Variants in RRM2 observed in about 807,000 individuals in gnomAD.
The protein encoded by RRM2 is ribonucleoside-diphosphate reductase subunit M2.
RRM2 carries 6 observed loss-of-function variants against 45.9 expected under a neutral mutation model. The ratio of observed to expected loss-of-function variants is 0.13; its 90% CI spans 0.07 to 0.26. The LOEUF (loss-of-function observed/expected upper bound fraction) is 0.26. Ranked by LOEUF, RRM2 falls within the 10% of genes least tolerant of loss-of-function variation. RRM2 has a pLI of 1.00. For missense variants in RRM2, 343 were observed against 489.5 expected, an observed-to-expected ratio of 0.70 and a Z score of 2.82; for synonymous variants, 177 against 173.0, an observed-to-expected ratio of 1.02 and a Z score of -0.18.
chr2:10,141,204 G>A (rs771236823), upstream of RRM2, among the ~76,000 whole-genome samples: 2 of 152,108 alleles, frequency 1.3e-5, no homozygotes, highest in African/African-American at 2.4e-5. Flanking sequence ...TTCAGAAACC[G>A]CTGGCTTGGA....
At chr2:10,156,174 T>G (rs1663420601) in intron 3 of RRM2, 2 of 152,226 alleles carry the variant, frequency 1.3e-5, no homozygotes, top group Admixed American at 1.3e-4. Context: ...TTGGCCACAT[T>G]GGAAGGAGAA....
At chr2:10,199,102 T>C (rs1279514965) in intron 3 of RRM2, 1 of 152,190 alleles carries the variant, frequency 6.6e-6, no homozygotes, top group Non-Finnish European at 1.5e-5. Flanking sequence ...TACTTCCTGC[T>C]GAGAGAGGGT....
intron 3 of RRM2, among the ~76,000 whole-genome samples, chr2:10,158,309 G>A (rs532955242): frequency 3.9e-5 from 6 of 152,298 alleles, no homozygotes; most frequent in Admixed American, 2.0e-4. Flanking sequence ...AAGCGCTCGC[G>A]AACTTCCTGC....
rs1662851893 is a variant in RRM2, at chr2:10,129,422, T to C, written c.*36T>C. 1 of 1,572,264 alleles carries C rather than the reference T, an allele frequency of 6.4e-7. No individual in the cohort carries two copies. Among genetic ancestry groups the C allele is most frequent in the Non-Finnish European group, 8.6e-7 (1 of 1,164,034 alleles). ...GATGTGCCCTTACTTGGCTGATTTT[T>C]TTTTTCCATCTCATAAGAAAAATCA... On this transcript the variant is annotated 3_prime_UTR_variant, in exon 10 of 10. Transcript: ENST00000304567. This position sits in a 1 kb window ranked among gnomAD's most constrained non-coding sequence, Gnocchi z 4.8.
downstream of RRM2, among the ~76,000 whole-genome samples, chr2:10,132,794 C>T (rs1662924530): frequency 6.6e-6 from 1 of 152,180 alleles, no homozygotes; most frequent in African/African-American, 2.4e-5. Flanking sequence ...TTCGGGGCAG[C>T]CAGGCGTCAA....
At chr2:10,186,642 G>C (rs1228052230) in intron 3 of RRM2, among the ~76,000 whole-genome samples, 8 of 152,214 alleles carry the variant, frequency 5.3e-5, no homozygotes, top group Non-Finnish European at 1.0e-4. Flanking sequence ...TCTGCTGAAT[G>C]GGTCTCATAG....
chr2:10,142,138 C>A, intron 2 of RRM2: 1 of 1,548,206 alleles, frequency 6.5e-7, no homozygotes. Context: ...CTGTGGCAGG[C>A]GCGTCTGTGA....
intron 3 of RRM2, among the ~76,000 whole-genome samples, chr2:10,154,186 C>T (rs1275615146): frequency 1.3e-5 from 2 of 152,092 alleles, no homozygotes; most frequent in African/African-American, 4.8e-5. Context: ...TAAATATTGC[C>T]AGGCAGGCTG....
downstream of RRM2, among the ~76,000 whole-genome samples, chr2:10,132,154 A>G (rs772083006): frequency 3.3e-5 from 5 of 152,222 alleles, no homozygotes; most frequent in Admixed American, 6.5e-5. Context: ...AAACGAACCA[A>G]TCATTCCTTG....
rs983457994 is a variant in RRM2 at position 10,191,272 on chromosome 2, C to G, written n.483-19039C>G. Reference sequence around the variant, plus strand: ...ACTCTTGGGGCAGCGTGGCCTTGGTCACAGCAGAATGCTGGGTTCTGACAT... The same window carrying G: ...ACTCTTGGGGCAGCGTGGCCTTGGTGACAGCAGAATGCTGGGTTCTGACAT... On this transcript the variant is annotated intron_variant and non_coding_transcript_variant, in intron 3 of 3. Coordinates refer to the RRM2 transcript ENST00000381786. Among the ~76,000 whole-genome samples the G allele has an allele frequency of 4.6e-5, 7 of 152,324 alleles. No homozygotes were observed. In the East Asian group the frequency reaches 1.4e-3, roughly 29 times the overall value.
At chr2:10,146,481 C>A (rs934935739) in intron 3 of RRM2, among the ~76,000 whole-genome samples, 2 of 152,238 alleles carry the variant, frequency 1.3e-5, no homozygotes, top group Non-Finnish European at 2.9e-5. Flanking sequence ...CCCTGTGTCT[C>A]CCCTCTGTCC....
At chr2:10,168,655 G>A (rs183026244) in intron 3 of RRM2, among the ~76,000 whole-genome samples, 1 of 151,732 alleles carries the variant, frequency 6.6e-6, no homozygotes, top group African/African-American at 2.4e-5. Context: ...AAAAAGATGT[G>A]CCGGCTCTGG....
intron 3 of RRM2, among the ~76,000 whole-genome samples, chr2:10,178,966 C>A (rs1264908584): frequency 6.6e-6 from 1 of 152,196 alleles, no homozygotes; most frequent in Non-Finnish European, 1.5e-5. Context: ...GCACCTTGAT[C>A]TTGGACTTCC....
intron 3 of RRM2, among the ~76,000 whole-genome samples, chr2:10,168,700 C>T (rs1317311468): frequency 3.9e-5 from 6 of 152,134 alleles, no homozygotes; most frequent in Non-Finnish European, 5.9e-5. Context: ...GCCACCTGTC[C>T]TGTTTATTCA....
At chr2:10,125,369 TGGG>T (rs1015233612) in intron 5 of RRM2, among the ~76,000 whole-genome samples, 1 of 151,760 alleles carries the variant, frequency 6.6e-6, no homozygotes, top group Non-Finnish European at 1.5e-5. Flanking sequence ...AGATTGGAGG[TGGG>T]GGGATTAGAA....
chr2:10,144,464 G>T (rs1663149408), intron 3 of RRM2, among the ~76,000 whole-genome samples: 1 of 152,180 alleles, frequency 6.6e-6, no homozygotes, highest in Non-Finnish European at 1.5e-5. Context: ...GGGCCTCGGG[G>T]CTGTAGCACC....
At chr2:10,192,248 A>G (rs989516726) in intron 3 of RRM2, among the ~76,000 whole-genome samples, 2 of 152,182 alleles carry the variant, frequency 1.3e-5, no homozygotes, top group Non-Finnish European at 2.9e-5. Context: ...CTGTGAACCA[A>G]CCCAAACATG....
At chr2:10,141,812 C>T (rs1256355292) in intron 1 of RRM2, 3 of 1,550,042 alleles carry the variant, frequency 1.9e-6, no homozygotes, top group Admixed American at 2.0e-5. Flanking sequence ...GGCGGTTGCT[C>T]CAGCATGCAG....
downstream of RRM2, among the ~76,000 whole-genome samples, chr2:10,136,060 T>C (rs1371682936): frequency 6.6e-6 from 1 of 152,208 alleles, no homozygotes; most frequent in East Asian, 1.9e-4. Flanking sequence ...GGCAATTGCT[T>C]GAGAGCTCAC....
Sources: gnomAD v4.1 joint callset for allele counts (sites outside exome capture counted in the v4.1 genomes callset) on GRCh38, gnomAD v4.1.1 for gene constraint, Gnocchi (gnomAD v3.1) non-coding constraint, MANE v1.5 for transcripts, NCBI Gene and HGNC (gene_info 2026-07-23, HGNC 2026-07-21) for gene names.